The following SLC28A1 variants were observed in gnomAD, a reference collection of about 807,000 sequenced individuals.
SLC28A1 encodes the protein sodium/nucleoside cotransporter 1.
In SLC28A1, 64 loss-of-function variants were observed where a neutral mutation model predicts 74.8. The observed-to-expected ratio is 0.86, with a 90% CI of 0.70 to 1.05. The LOEUF (loss-of-function observed/expected upper bound fraction) is 1.05. Ranked by LOEUF, SLC28A1 falls within the 50% of genes least tolerant of loss-of-function variation. The pLI is 0.00. For missense variants in SLC28A1, 828 were observed against 822.8 expected, an observed-to-expected ratio of 1.01 and a Z score of -0.08; for synonymous variants, 359 against 335.0, an observed-to-expected ratio of 1.07 and a Z score of -0.78.
rs768076441 is a variant in SLC28A1 at position 84,890,505 on chromosome 15, G to C, written c.248G>C (p.Arg83Pro). 6.2e-7 allele frequency: 1 copy of C among 1,611,290 alleles called. No individual in the cohort carries two copies. The change falls in exon 5 of 19, where the codon CGA becomes CCA. Residue 83 changes from arginine to proline, a missense_variant. This residue lies in a region of SLC28A1 where 767 missense variants were observed against 753.5 expected (regional missense o/e 1.02). Coordinates refer to ENST00000394573, the MANE Select transcript of SLC28A1 (RefSeq NM_004213.5). ...TGCAGGGAGCACATGCAGCTGTTTC[G>C]ATGGATCGGCACAGGCCTGCTCTGC... ...SFCREHMQLFRWIGTGLLCTG... is the reference protein window; with the variant it reads ...SFCREHMQLFPWIGTGLLCTG...
chr15:84,888,656 G>A lies in SLC28A1; in HGVS notation c.97-116G>A, dbSNP rs978639655. The A allele has an allele frequency of 4.2e-6, 3 of 718,146 alleles. No individual in the cohort carries two copies. In the South Asian group the frequency reaches 4.5e-5, roughly 11 times the overall value. The allele number at this position is 718,146 out of a possible 1,614,324, so 44.5% of individuals were successfully genotyped here. ...TAGTAGCCTTCTAATTCCTCCCTGT[G>A]CCCCAGCCCAGTCCCCTCCTCAGCC... is the stretch of plus-strand genomic sequence containing the variant. On this transcript the variant is annotated intron_variant, in intron 3 of 18. Transcript: ENST00000394573.
chr15:84,916,129 A>AT (rs1255452262), intron 9 of SLC28A1, among the ~76,000 whole-genome samples: 1 of 149,732 alleles, frequency 6.7e-6, no homozygotes, highest in Non-Finnish European at 1.5e-5. Flanking sequence ...CCCCTGGCTT[A>AT]TTTTTTTCTA....
chr15:84,913,405 TCTGGC>T (rs1394766753), intron 9 of SLC28A1, among the ~76,000 whole-genome samples: 2 of 152,182 alleles, frequency 1.3e-5, no homozygotes, highest in East Asian at 3.8e-4. Context: ...GTGGGGTTTA[TCTGGC>T]CTTCAAAGCC....
At chr15:84,889,503 G>T (rs1217892782) in intron 4 of SLC28A1, among the ~76,000 whole-genome samples, 1 of 152,168 alleles carries the variant, frequency 6.6e-6, no homozygotes, top group Non-Finnish European at 1.5e-5. Context: ...GGACTGAGAG[G>T]AGGTGAGGCT....
At chr15:84,961,663 T>A in the SLC28A1 span, 1 of 349,754 alleles carries the variant, frequency 2.9e-6, no homozygotes, top group East Asian at 8.6e-5. Flanking sequence ...TTGATGGTCG[T>A]AAGACACTAA....
intron 9 of SLC28A1, among the ~76,000 whole-genome samples, chr15:84,913,135 A>C (rs886586222): frequency 6.6e-6 from 1 of 152,120 alleles, no homozygotes; most frequent in East Asian, 1.9e-4. Context: ...AAATGCAGCT[A>C]CTCTGGACTT....
At position 84,887,843 on chromosome 15, in the gene SLC28A1, T is replaced by C; in HGVS notation, c.83T>C (p.Phe28Ser). The C allele has an allele frequency of 1.2e-6, 2 of 1,613,092 alleles. No homozygotes were observed. The highest frequency in any genetic ancestry group is 1.7e-6 in the Non-Finnish European group (2 of 1,179,046). ...GGTCTGGAGAACATGGGGGCTGATT[T>C]CTTGGAAAGCCTGGTCTGTACCCTT... ...AKGLENMGAD[F>S]LESLEEGQLP... Residue 28 changes from phenylalanine to serine, a missense_variant, in exon 3 of 19, where the codon TTC becomes TCC. By Grantham distance (155) the Phe-to-Ser change is radical. Coordinates refer to ENST00000394573, the MANE Select transcript of SLC28A1 (RefSeq NM_004213.5).
the SLC28A1 span, among the ~76,000 whole-genome samples, chr15:84,951,184 G>A: frequency 1.7e-4 from 26 of 152,200 alleles, no homozygotes; most frequent in South Asian, 4.2e-4. Context: ...GCCGTGGCTC[G>A]CCTCTGTAGT....
intron 18 of SLC28A1, 74 bp from the exon 19 acceptor site, chr15:84,945,051 G>T: frequency 1.5e-6 from 2 of 1,349,102 alleles, no homozygotes; most frequent in South Asian, 2.3e-5. Flanking sequence ...CAGTGTTCCC[G>T]GTGTTGCACA....
intron 5 of SLC28A1, among the ~76,000 whole-genome samples, chr15:84,891,583 C>T (rs545167378): frequency 6.6e-6 from 1 of 152,248 alleles, no homozygotes; most frequent in South Asian, 2.1e-4. Flanking sequence ...AAGGGGTTGG[C>T]GGCAGCCAAA....
chr15:84,935,204 T>C lies in SLC28A1; in HGVS notation c.1383+10T>C, dbSNP rs762564654. The C allele has an allele frequency of 1.2e-6, 2 of 1,614,052 alleles. No homozygotes were observed. Among genetic ancestry groups the C allele is most frequent in the South Asian group, 1.1e-5 (1 of 91,076 alleles). ...AGGGCTCAGCTTCCAGGTGCGTTTCTGGCCACCACACTCAGTCTGTAGAGA... is the reference window on the plus strand; with the variant it reads ...AGGGCTCAGCTTCCAGGTGCGTTTCCGGCCACCACACTCAGTCTGTAGAGA... On this transcript the variant is annotated intron_variant, in intron 14 of 18. Coordinates refer to ENST00000394573, the MANE Select transcript of SLC28A1 (RefSeq NM_004213.5).
At chr15:84,885,511 C>T (rs1011761115) in intron 1 of SLC28A1, among the ~76,000 whole-genome samples, 1 of 151,820 alleles carries the variant, frequency 6.6e-6, no homozygotes, top group East Asian at 2.0e-4. Flanking sequence ...GTGGGTGGAC[C>T]ACCTGAGGTT....
intron 15 of SLC28A1, 123 bp from the exon 16 acceptor site, chr15:84,943,322 G>C (rs1458692167): frequency 8.3e-6 from 6 of 726,254 alleles, no homozygotes; most frequent in African/African-American, 1.7e-5. Flanking sequence ...GCAGCACAGA[G>C]GACTCAAAGG....
At chr15:84,964,490 A>G in the SLC28A1 span, among the ~76,000 whole-genome samples, 1 of 152,198 alleles carries the variant, frequency 6.6e-6, no homozygotes, top group South Asian at 2.1e-4. Flanking sequence ...ACATTACCCA[A>G]TATCAATTGC....
chr15:84,942,517 C>T (rs538701027), intron 15 of SLC28A1, among the ~76,000 whole-genome samples: 19 of 152,324 alleles, frequency 1.2e-4, no homozygotes, highest in Admixed American at 1.1e-3. Flanking sequence ...TGAACACTTA[C>T]TGTCTGCCTG....
At chr15:84,956,181 GC>G in the SLC28A1 span, among the ~76,000 whole-genome samples, 8 of 152,160 alleles carry the variant, frequency 5.3e-5, no homozygotes, top group East Asian at 1.2e-3. Context: ...TTTAGATAGT[GC>G]CTTTTTACTC....
intron 8 of SLC28A1, among the ~76,000 whole-genome samples, chr15:84,906,563 T>C (rs929898493): frequency 2.9e-5 from 2 of 67,988 alleles, no homozygotes; most frequent in African/African-American, 1.3e-4. Context: ...TTTCTTTCTT[T>C]CTCTTTCTTT....
In SLC28A1 at chr15:84,944,561, T is replaced by G. The variant is rs1266290387; in HGVS notation, c.1664-5T>G. On this transcript the variant is annotated splice_region_variant and splice_polypyrimidine_tract_variant and intron_variant, in intron 16 of 18. Transcript: ENST00000394573. Reference sequence around the variant, plus strand: ...CAGGCCCTGAGCACTTCTGTCCCCTTGCAGCCTCCATGGTCCCCCAACGGA... The same window carrying G: ...CAGGCCCTGAGCACTTCTGTCCCCTGGCAGCCTCCATGGTCCCCCAACGGA... The G allele has an allele frequency of 3.7e-6, 6 of 1,609,700 alleles. No individual in the cohort carries two copies. The highest frequency in any genetic ancestry group is 5.1e-6 in the Non-Finnish European group (6 of 1,176,142).
intron 4 of SLC28A1, among the ~76,000 whole-genome samples, chr15:84,889,579 C>T (rs1021263390): frequency 6.6e-6 from 1 of 152,080 alleles, no homozygotes; most frequent in Non-Finnish European, 1.5e-5. Context: ...CAATGTGTGT[C>T]CCATGGGCAG....
Sources: allele counts gnomAD v4.1 joint callset (sites outside exome capture counted in the v4.1 genomes callset), GRCh38; gene constraint gnomAD v4.1.1; regional missense constraint gnomAD v4.1.1; transcripts MANE v1.5; gene names NCBI Gene and HGNC (gene_info 2026-07-23, HGNC 2026-07-21).